The following MTNR1A variants were observed in gnomAD, a reference collection of about 807,000 sequenced individuals.
The protein encoded by MTNR1A is melatonin receptor 1A.
MTNR1A carries 7 observed loss-of-function variants against 5.5 expected under a neutral mutation model. That is an observed-to-expected ratio of 1.28 (90% CI 0.73 to 2.40). MTNR1A has a LOEUF of 2.40. MTNR1A is among the 30% of genes most tolerant of loss of function. The pLI is 0.00. For synonymous variants in MTNR1A, 196 were observed against 202.7 expected, an observed-to-expected ratio of 0.97 and a Z score of 0.28; for missense variants, 441 against 464.4, an observed-to-expected ratio of 0.95 and a Z score of 0.46.
chr4:186,552,879 G>A (rs1737291423), intron 1 of MTNR1A, among the ~76,000 whole-genome samples: 1 of 152,216 alleles, frequency 6.6e-6, no homozygotes. Context: ...CAAGAGTAGA[G>A]CGAATATTCT....
At chr4:186,536,790 G>A (rs1579245681) in intron 1 of MTNR1A, among the ~76,000 whole-genome samples, 1 of 152,074 alleles carries the variant, frequency 6.6e-6, no homozygotes, top group African/African-American at 2.4e-5. Flanking sequence ...AGTTACAAAG[G>A]CAAATTTATT....
chr4:186,544,937 G>A (rs1008598444), intron 1 of MTNR1A, among the ~76,000 whole-genome samples: 2 of 152,104 alleles, frequency 1.3e-5, no homozygotes, highest in Admixed American at 6.6e-5. Context: ...GGGTACAAAC[G>A]ACCAGTCCCT....
chr4:186,555,343 A>G lies in MTNR1A; in HGVS notation c.23T>C (p.Leu8Pro). 1 of 1,542,080 alleles carries G rather than the reference A, an allele frequency of 6.5e-7. No individual in the cohort carries two copies. The highest frequency in any genetic ancestry group is 8.7e-7 in the Non-Finnish European group (1 of 1,143,416). The change falls in exon 1 of 2, where the codon CTG (leucine) becomes CCG (proline). Residue 8 changes from leucine (L) to proline (P), a missense_variant. Leu to Pro is a moderately conservative substitution (Grantham distance 98). Coordinates refer to ENST00000307161, the MANE Select transcript of MTNR1A (RefSeq NM_005958.4). This position sits in a 1 kb window ranked among gnomAD's most constrained non-coding sequence, Gnocchi z 4.1. ...GAGCACGGGCTGGGAGGCGTTGGGC[A>G]GCGCGCTGCCGTTGCCCTGCATGGT... Reference protein sequence around the residue: MQGNGSALPNASQPVLRG... With the variant: MQGNGSAPPNASQPVLRG...
chr4:186,537,784 G>A (rs1298491475), intron 1 of MTNR1A, among the ~76,000 whole-genome samples: 4 of 152,260 alleles, frequency 2.6e-5, no homozygotes, highest in African/African-American at 9.6e-5. Context: ...CAGAAACTGG[G>A]CCCTGTGGCT....
In MTNR1A at chr4:186,555,340, G is replaced by A. The variant is rs753807868; in HGVS notation, c.26C>T (p.Pro9Leu). 9 of 1,542,760 alleles carry A rather than the reference G, an allele frequency of 5.8e-6. No homozygotes were observed. Among genetic ancestry groups the A allele is most frequent in the East Asian group, 2.5e-5 (1 of 40,670 alleles). The part of the protein sequence containing the change: MQGNGSAL[P>L]NASQPVLRGD... ...GCGGAGCACGGGCTGGGAGGCGTTG[G>A]GCAGCGCGCTGCCGTTGCCCTGCAT... The change falls in exon 1 of 2, where the codon CCC (proline) becomes CTC (leucine). Residue 9 changes from proline (P) to leucine (L), a missense_variant. Transcript: ENST00000307161. This position sits in a 1 kb window ranked among gnomAD's most constrained non-coding sequence, Gnocchi z 4.1.
At chr4:186,542,640 G>A (rs1307520045) in intron 1 of MTNR1A, among the ~76,000 whole-genome samples, 1 of 152,126 alleles carries the variant, frequency 6.6e-6, no homozygotes, top group African/African-American at 2.4e-5. Context: ...CCATGGCCAG[G>A]ATTCATGGAT....
In MTNR1A at chr4:186,533,746, T is replaced by A; in HGVS notation, c.996A>T (p.Lys332Asn). 1 of 1,614,234 alleles carries A rather than the reference T, an allele frequency of 6.2e-7. No homozygotes were observed. The highest frequency in any genetic ancestry group is 8.5e-7 in the Non-Finnish European group (1 of 1,180,048). The change falls in exon 2 of 2, where the codon AAA becomes AAT. Residue 332 changes from lysine to asparagine, a missense_variant. By Grantham distance (94) the Lys-to-Asn change is moderately conservative. Transcript: ENST00000307161. Reference sequence around the variant, plus strand: ...TGGTCATCAGTGGAGACGGTTTCCATTTAACCCTATCGGCCACGTCGTTAG... The same window carrying A: ...TGGTCATCAGTGGAGACGGTTTCCAATTAACCCTATCGGCCACGTCGTTAG... ...DSSNDVADRV[K>N]WKPSPLMTNN... is the part of the protein sequence containing the mutation.
rs544164195 is a variant in MTNR1A at position 186,539,408 on chromosome 4, T to C, written c.185-4851A>G. 3.3e-5 allele frequency among the ~76,000 whole-genome samples: 5 copies of C among 152,290 alleles called. No individual in the cohort carries two copies. The East Asian group carries it at 9.6e-4, about 29-fold the overall frequency. ...TTGACTGGAGCCCAGAACAAGGCCC[T>C]GAAGGCTGCTCAGCCACCTGATCCA... On this transcript the variant is annotated intron_variant, in intron 1 of 1. Coordinates refer to ENST00000307161, the MANE Select transcript of MTNR1A (RefSeq NM_005958.4).
At chr4:186,542,852 T>G (rs1452105974) in intron 1 of MTNR1A, among the ~76,000 whole-genome samples, 2 of 152,168 alleles carry the variant, frequency 1.3e-5, no homozygotes, top group South Asian at 2.1e-4. Context: ...ATCCTGGCAC[T>G]TTGGGAGGCT....
chr4:186,545,434 C>T (rs749552143), intron 1 of MTNR1A, among the ~76,000 whole-genome samples: 3 of 152,180 alleles, frequency 2.0e-5, no homozygotes, highest in African/African-American at 7.2e-5. Context: ...CAGGTCCTCA[C>T]TGTGGACATG....
intron 1 of MTNR1A, among the ~76,000 whole-genome samples, chr4:186,547,107 C>A (rs62350395): frequency 5.5e-4 from 4 of 7,328 alleles, no homozygotes; most frequent in Non-Finnish European, 7.1e-4. Flanking sequence ...CACCCTGTTC[C>A]TGGGACACAC....
Position 186,533,752 on chromosome 4 carries a change from C to T in MTNR1A, c.990G>A (p.Arg330=), listed in dbSNP as rs1435437587. ...TCAGTGGAGACGGTTTCCATTTAACCCTATCGGCCACGTCGTTAGAGCTGT... is the reference window on the plus strand; with the variant it reads ...TCAGTGGAGACGGTTTCCATTTAACTCTATCGGCCACGTCGTTAGAGCTGT... ...FVDSSNDVAD[R]VKWKPSPLMT... The change falls in exon 2 of 2, where the codon AGG becomes AGA. Residue 330 remains arginine, a synonymous_variant. Transcript: ENST00000307161. 6.2e-7 allele frequency: 1 copy of T among 1,614,188 alleles called. No homozygotes were observed. The highest frequency in any genetic ancestry group is 1.7e-5 in the Admixed American group (1 of 60,026).
At chr4:186,543,374 G>C (rs1429553154) in intron 1 of MTNR1A, among the ~76,000 whole-genome samples, 1 of 152,228 alleles carries the variant, frequency 6.6e-6, no homozygotes, top group African/African-American at 2.4e-5. Flanking sequence ...GTGTCCCAGA[G>C]TGTTAGGAAT....
At chr4:186,550,634 C>T (rs1408443204) in intron 1 of MTNR1A, among the ~76,000 whole-genome samples, 1 of 152,136 alleles carries the variant, frequency 6.6e-6, no homozygotes, top group East Asian at 1.9e-4. Context: ...TAATCTAGGA[C>T]TATTTTATCC....
chr4:186,551,945 G>A (rs1327225457), intron 1 of MTNR1A, among the ~76,000 whole-genome samples: 1 of 152,154 alleles, frequency 6.6e-6, no homozygotes. Context: ...TGTGCACACA[G>A]ATTAAATAAT....
At chr4:186,549,598 C>G (rs997558605) in intron 1 of MTNR1A, among the ~76,000 whole-genome samples, 1 of 152,192 alleles carries the variant, frequency 6.6e-6, no homozygotes, top group Non-Finnish European at 1.5e-5. Flanking sequence ...AGCCAACTTT[C>G]GCATTTCTCT....
chr4:186,546,346 G>A (rs113081013), intron 1 of MTNR1A, among the ~76,000 whole-genome samples: 6,597 of 151,122 alleles, frequency 0.044, 375 homozygotes, highest in African/African-American at 0.13. Context: ...CCCTCCTGCC[G>A]TCGGCCTCAC....
chr4:186,541,231 T>C (rs1236607667), intron 1 of MTNR1A, among the ~76,000 whole-genome samples: 1 of 152,128 alleles, frequency 6.6e-6, no homozygotes, highest in Admixed American at 6.5e-5. Flanking sequence ...CCCAATTCAG[T>C]ACAGCCCTGA....
At chr4:186,549,223 C>CATAAGATTTTT (rs11273086) in intron 1 of MTNR1A, among the ~76,000 whole-genome samples, 1 of 151,856 alleles carries the variant, frequency 6.6e-6, no homozygotes, top group African/African-American at 2.4e-5. Context: ...CTTCCAAGAA[C>CATAAGATTTTT]ATATTCCTAA....
Sources: gnomAD v4.1 joint callset for allele counts (sites outside exome capture counted in the v4.1 genomes callset) on GRCh38, gnomAD v4.1.1 for gene constraint, Gnocchi (gnomAD v3.1) non-coding constraint, MANE v1.5 for transcripts, NCBI Gene and HGNC (gene_info 2026-07-23, HGNC 2026-07-21) for gene names.